Variants in CDH11 observed in about 807,000 individuals in gnomAD.
CDH11 encodes the protein cadherin-11.
Under a neutral mutation model 67.8 loss-of-function variants are expected in CDH11, and 11 were observed. The observed-to-expected ratio is 0.16, with a 90% CI of 0.10 to 0.27. CDH11 has a LOEUF of 0.27. Among genes scored for constraint, CDH11 ranks in the 10% least tolerant of loss-of-function variants. The probability of loss-of-function intolerance (pLI) is 1.00; values close to 1 mark genes in which losing one functional copy is unlikely to be tolerated. For synonymous variants in CDH11, 419 were observed against 400.0 expected (o/e 1.05, Z -0.57); for missense variants, 847 against 1,031.2 (o/e 0.82, Z 2.45).
intron 2 of CDH11, among the ~76,000 whole-genome samples, chr16:65,019,713 T>C (rs1204278349): frequency 6.6e-6 from 1 of 152,178 alleles, no homozygotes; most frequent in East Asian, 1.9e-4. Flanking sequence ...TTTGTATCAG[T>C]GTGCTTTTAT....
At chr16:65,001,999 T>G (rs1454368376) in intron 3 of CDH11, among the ~76,000 whole-genome samples, 1 of 152,152 alleles carries the variant, frequency 6.6e-6, no homozygotes, top group Non-Finnish European at 1.5e-5. Flanking sequence ...CAGGGCATCT[T>G]AAGCACTCAA....
chr16:64,989,448 T>C (rs994677721), intron 6 of CDH11, among the ~76,000 whole-genome samples: 2 of 152,148 alleles, frequency 1.3e-5, no homozygotes, highest in African/African-American at 4.8e-5. Context: ...AGACATTCTT[T>C]AGAAAAAGGA....
chr16:65,063,955 G>C (rs559081698), intron 1 of CDH11, among the ~76,000 whole-genome samples: 1 of 152,306 alleles, frequency 6.6e-6, no homozygotes, highest in African/African-American at 2.4e-5. Context: ...AGAGCTAAGA[G>C]CTGATACTTC....
intron 2 of CDH11, among the ~76,000 whole-genome samples, chr16:65,026,900 A>G (rs1267871093): frequency 6.6e-6 from 1 of 152,180 alleles, no homozygotes; most frequent in East Asian, 1.9e-4. Flanking sequence ...CCCTGCAGGG[A>G]ACTGTAGGAA....
chr16:64,968,196 T>C (rs1796858433), intron 11 of CDH11, among the ~76,000 whole-genome samples: 1 of 152,210 alleles, frequency 6.6e-6, no homozygotes, highest in African/African-American at 2.4e-5. Context: ...TGATGTCTCA[T>C]ATTCTTTCTT....
rs143688009 is a variant in CDH11 at position 64,950,870 on chromosome 16, C to A, written c.1791G>T (p.Val597=). 1 of 1,614,210 alleles carries A rather than the reference C, an allele frequency of 6.2e-7. No individual in the cohort carries two copies. The highest frequency in any genetic ancestry group is 1.7e-5 in the Admixed American group (1 of 60,030). The change falls in exon 12 of 13, where the codon GTG becomes GTT. Residue 597 remains valine, a synonymous_variant. Coordinates refer to ENST00000268603, the MANE Select transcript of CDH11 (RefSeq NM_001797.4). ...TLTIKVCGCD[V]NGALLSCNAE... ...CGTTGCAGGAGAGCAGTGCCCCGTT[C>A]ACGTCGCACCCGCAGACTTTGATGG...
At chr16:64,998,467 A>G (rs1157561936) in intron 4 of CDH11, 95 bp downstream of exon 4, 3 of 1,144,042 alleles carry the variant, frequency 2.6e-6, no homozygotes, top group East Asian at 2.4e-5. Context: ...ATAAAGAAGA[A>G]GCTCTACTTC....
intron 1 of CDH11, among the ~76,000 whole-genome samples, chr16:65,115,634 T>C (rs2075229529): frequency 6.9e-6 from 1 of 144,582 alleles, no homozygotes; most frequent in South Asian, 2.1e-4. Flanking sequence ...GGAGCTTATA[T>C]AGCTTATTCT....
Position 64,947,618 on chromosome 16 carries a change from A to C in CDH11, c.2376T>G (p.Phe792Leu). ...ATCGTTATTGTTAAGAATCGTCATC[A>C]AAAGTGTCTTTGGAACCATACAAAT... ...LADLYGSKDTFDDDS is the reference protein window; with the variant it reads ...LADLYGSKDTLDDDS Residue 792 changes from phenylalanine (F) to leucine (L), a missense_variant, in exon 13 of 13, where the codon TTT becomes TTG. This residue lies in a region of CDH11 where 612 missense variants were observed against 678.7 expected (regional missense o/e 0.90). Coordinates refer to ENST00000268603, the MANE Select transcript of CDH11 (RefSeq NM_001797.4). 6.2e-7 allele frequency: 1 copy of C among 1,607,598 alleles called. No individual in the cohort carries two copies. Among genetic ancestry groups the C allele is most frequent in the Non-Finnish European group, 8.5e-7 (1 of 1,174,944 alleles).
chr16:64,997,987 C>T (rs1277239919), intron 4 of CDH11, among the ~76,000 whole-genome samples: 3 of 152,178 alleles, frequency 2.0e-5, no homozygotes, highest in African/African-American at 7.2e-5. Flanking sequence ...ATAAAGAAGG[C>T]TATTGCCAGA....
intron 2 of CDH11, among the ~76,000 whole-genome samples, chr16:65,041,596 G>A (rs557830097): frequency 6.6e-6 from 1 of 152,304 alleles, no homozygotes; most frequent in East Asian, 1.9e-4. Flanking sequence ...GAATAAAGTG[G>A]ATTAAGTGCT....
At chr16:64,992,696 G>C (rs2072660564) in intron 5 of CDH11, among the ~76,000 whole-genome samples, 1 of 152,226 alleles carries the variant, frequency 6.6e-6, no homozygotes, top group African/African-American at 2.4e-5. Flanking sequence ...TTGTTATTGG[G>C]TCATCGTGAA....
chr16:65,008,086 G>T (rs555707757), intron 2 of CDH11, among the ~76,000 whole-genome samples: 79 of 152,296 alleles, frequency 5.2e-4, no homozygotes, highest in Non-Finnish European at 8.8e-4. Context: ...GAAAGAAAGG[G>T]TTTAATTAAA....
chr16:65,072,988 A>G lies in CDH11; in HGVS notation c.-297-19060T>C, dbSNP rs1460983243. 2.0e-5 allele frequency among the ~76,000 whole-genome samples: 3 copies of G among 152,250 alleles called. No homozygotes were observed. In the East Asian group the frequency reaches 5.8e-4, roughly 29 times the overall value. On this transcript the variant is annotated intron_variant, in intron 1 of 12. Transcript: ENST00000268603. ...TTAATAAAGGCTACCTACCTTGATCATTATCATCATCATTAGTGTGATCTA... is the reference window on the plus strand; with the variant it reads ...TTAATAAAGGCTACCTACCTTGATCGTTATCATCATCATTAGTGTGATCTA...
chr16:65,084,425 C>T (rs887133013), intron 1 of CDH11, among the ~76,000 whole-genome samples: 2 of 151,802 alleles, frequency 1.3e-5, no homozygotes, highest in African/African-American at 4.8e-5. Context: ...CATTGCACTT[C>T]AGAAGCCTGG....
intron 1 of CDH11, among the ~76,000 whole-genome samples, chr16:65,116,398 C>T (rs12051500): frequency 0.22 from 32,814 of 152,148 alleles, 3,907 homozygotes; most frequent in Middle Eastern, 0.32. Flanking sequence ...GGTTGCCATG[C>T]GAGGTGATCA....
At chr16:65,075,806 G>A (rs1258948696) in intron 1 of CDH11, among the ~76,000 whole-genome samples, 1 of 152,118 alleles carries the variant, frequency 6.6e-6, no homozygotes, top group Admixed American at 6.5e-5. Context: ...GTGACCTCAG[G>A]GAAGTAGTTA....
At chr16:64,984,131 C>A (rs1265909646) in intron 7 of CDH11, among the ~76,000 whole-genome samples, 2 of 152,158 alleles carry the variant, frequency 1.3e-5, no homozygotes, top group African/African-American at 4.8e-5. Context: ...TCAGTTCAAG[C>A]CTCATTGCCT....
At chr16:65,071,604 C>T (rs1438820686) in intron 1 of CDH11, among the ~76,000 whole-genome samples, 2 of 152,112 alleles carry the variant, frequency 1.3e-5, no homozygotes, top group Non-Finnish European at 2.9e-5. Flanking sequence ...GGAAATAGTG[C>T]CCCAAGCGCG....
Sources: gnomAD v4.1 joint callset for allele counts (sites outside exome capture counted in the v4.1 genomes callset) on GRCh38, gnomAD v4.1.1 for gene constraint, gnomAD v4.1.1 regional missense constraint, MANE v1.5 for transcripts, NCBI Gene and HGNC (gene_info 2026-07-23, HGNC 2026-07-21) for gene names.